The following GABBR2 variants were observed in gnomAD, a reference collection of about 807,000 sequenced individuals.
The protein encoded by GABBR2 is G-protein coupled receptor 51.
A neutral mutation model predicts 105.6 loss-of-function variants in GABBR2; 23 were observed. The ratio of observed to expected loss-of-function variants is 0.22; its 90% confidence interval spans 0.16 to 0.31. The LOEUF (loss-of-function observed/expected upper bound fraction) is 0.31, where lower values mean the gene tolerates loss of function less well. Among genes scored for constraint, GABBR2 ranks in the 10% least tolerant of loss-of-function variants. The probability of loss-of-function intolerance (pLI) is 1.00; values close to 1 mark genes in which losing one functional copy is unlikely to be tolerated. For synonymous variants in GABBR2, 478 were observed against 499.7 expected, an observed-to-expected ratio of 0.96 and a Z score of 0.58; for missense variants, 734 against 1,245.5, an observed-to-expected ratio of 0.59 and a Z score of 6.18.
chr9:98,472,547 T>C (rs185782345), intron 6 of GABBR2, among the ~76,000 whole-genome samples: 2 of 152,200 alleles, frequency 1.3e-5, no homozygotes, highest in East Asian at 1.9e-4. Context: ...ATCACAGATA[T>C]AGAAGCAGAG....
intron 3 of GABBR2, among the ~76,000 whole-genome samples, chr9:98,527,109 AT>A (rs1564104325): frequency 2.0e-3 from 292 of 142,556 alleles, no homozygotes; most frequent in South Asian, 0.01. Flanking sequence ...TATATATATT[AT>A]ATATATATAT....
At chr9:98,342,312 T>C (rs1831227809) in intron 13 of GABBR2, among the ~76,000 whole-genome samples, 2 of 151,974 alleles carry the variant, frequency 1.3e-5, no homozygotes, top group Admixed American at 6.6e-5. Flanking sequence ...AGTGGGATGC[T>C]TTGGAGAAGT....
chr9:98,320,864 ATATACT>A (rs1035563753), intron 13 of GABBR2, among the ~76,000 whole-genome samples: 9 of 150,986 alleles, frequency 6.0e-5, no homozygotes, highest in African/African-American at 2.2e-4. Context: ...GCATTGGGAG[ATATACT>A]TAATACTAGA....
chr9:98,555,986 CT>C (rs1828577865), intron 2 of GABBR2: 1 of 131,916 alleles, frequency 7.6e-6, no homozygotes, highest in Non-Finnish European at 1.8e-5. Context: ...TGTGAGTTTG[CT>C]CTGTAGCCAT....
chr9:98,412,769 T>C (rs1374507062), intron 7 of GABBR2, among the ~76,000 whole-genome samples: 3 of 152,226 alleles, frequency 2.0e-5, no homozygotes, highest in Admixed American at 1.3e-4. Context: ...ACTTAGCTTA[T>C]TTGACTGTAG....
At chr9:98,538,886 T>C (rs1828233189) in intron 3 of GABBR2, among the ~76,000 whole-genome samples, 2 of 152,168 alleles carry the variant, frequency 1.3e-5, no homozygotes, top group Non-Finnish European at 2.9e-5. Flanking sequence ...GCCAAAGCCC[T>C]TGGGCACAGA....
chr9:98,697,550 G>A (rs1310723384), intron 1 of GABBR2, among the ~76,000 whole-genome samples: 1 of 151,730 alleles, frequency 6.6e-6, no homozygotes, highest in East Asian at 1.9e-4. Flanking sequence ...ATGAATGAAT[G>A]CTGCAAAGCA....
At chr9:98,678,132 C>T (rs558516391) in intron 1 of GABBR2, among the ~76,000 whole-genome samples, 11 of 152,304 alleles carry the variant, frequency 7.2e-5, no homozygotes, top group African/African-American at 2.6e-4. Context: ...TATTTGTTGA[C>T]TAAATGAAGA....
At chr9:98,570,081 A>G (rs1409016231) in intron 2 of GABBR2, among the ~76,000 whole-genome samples, 1 of 152,200 alleles carries the variant, frequency 6.6e-6, no homozygotes, top group Non-Finnish European at 1.5e-5. Flanking sequence ...TTGGGACTCC[A>G]TTGCCAATAC....
intron 7 of GABBR2, among the ~76,000 whole-genome samples, chr9:98,420,479 T>C (rs1832763974): frequency 1.7e-5 from 1 of 58,682 alleles, no homozygotes; most frequent in Non-Finnish European, 4.0e-5. Context: ...GCCGGGAATT[T>C]ACACTTTTTT....
At chr9:98,543,742 C>T (rs866670030) in intron 2 of GABBR2, among the ~76,000 whole-genome samples, 5 of 152,128 alleles carry the variant, frequency 3.3e-5, no homozygotes, top group Admixed American at 6.5e-5. Context: ...GACTAGTAGT[C>T]TTCCTTATCA....
At chr9:98,313,200 T>C (rs1330338284) in intron 13 of GABBR2, among the ~76,000 whole-genome samples, 1 of 152,240 alleles carries the variant, frequency 6.6e-6, no homozygotes, top group Non-Finnish European at 1.5e-5. Context: ...TTTGAGCACT[T>C]TCTTACTTCT....
intron 13 of GABBR2, among the ~76,000 whole-genome samples, chr9:98,337,983 C>T (rs377356768): frequency 6.6e-6 from 1 of 152,138 alleles, no homozygotes; most frequent in African/African-American, 2.4e-5. Context: ...GATTGTGCCA[C>T]TGTACTCCAG....
rs1227769007 is a variant in GABBR2 at position 98,303,299 on chromosome 9, G to A, written c.2354C>T (p.Thr785Ile). The part of the protein sequence containing the change: ...TSVTSVNQAS[T>I]SRLEGLQSEN... Reference sequence around the variant, plus strand: ...TGACTGTAGGCCCTCCAGGCGGGATGTGCTGGCTTGGTTCACACTGGTGAC... The same window carrying A: ...TGACTGTAGGCCCTCCAGGCGGGATATGCTGGCTTGGTTCACACTGGTGAC... The change falls in exon 16 of 19, where the codon ACA (threonine) becomes ATA (isoleucine). Residue 785 changes from threonine (T) to isoleucine (I), a missense_variant. Physicochemically the swap from Thr to Ile is moderately conservative, Grantham distance 89. Around this residue, in one of 7 missense-constraint regions of GABBR2, gnomAD observed 91 missense variants for 185.9 expected, o/e 0.49. Transcript: ENST00000259455. 8.7e-6 allele frequency: 14 copies of A among 1,614,192 alleles called. No homozygotes were observed. The highest frequency in any genetic ancestry group is 2.2e-5 in the South Asian group (2 of 91,088).
intron 7 of GABBR2, among the ~76,000 whole-genome samples, chr9:98,426,077 G>T (rs1825680020): frequency 2.0e-5 from 3 of 152,184 alleles, no homozygotes; most frequent in Admixed American, 2.0e-4. Context: ...AGCTCAGAAG[G>T]CTGGCACATG....
chr9:98,300,551 T>C (rs1252049384), intron 16 of GABBR2, among the ~76,000 whole-genome samples: 2 of 152,156 alleles, frequency 1.3e-5, no homozygotes, highest in African/African-American at 4.8e-5. Context: ...GTAGTCGGGA[T>C]GGGTGTTGAA....
At position 98,303,247 on chromosome 9, in the gene GABBR2, G is replaced by A. The variant is rs1339705658; in HGVS notation, c.2406C>T (p.Ile802=). The change falls in exon 16 of 19, where the codon ATC becomes ATT. Residue 802 remains isoleucine, a synonymous_variant. Coordinates refer to ENST00000259455, the MANE Select transcript of GABBR2 (RefSeq NM_005458.8). ...CAGATGCAGAGGGAGGTACCTCTGT[G>A]ATCTTCATTCGCAGGCGATGGTTTT... The part of the protein sequence containing the change: ...QSENHRLRMK[I]TELDKDLEEV... 6.2e-7 allele frequency: 1 copy of A among 1,613,750 alleles called. No homozygotes were observed. The highest frequency in any genetic ancestry group is 1.3e-5 in the African/African-American group (1 of 74,920).
intron 1 of GABBR2, among the ~76,000 whole-genome samples, chr9:98,688,549 G>T (rs1307385862): frequency 6.6e-6 from 1 of 152,086 alleles, no homozygotes; most frequent in Non-Finnish European, 1.5e-5. Context: ...AAAATCATTA[G>T]ATTTTGTCAA....
At chr9:98,458,959 T>G (rs892002015) in intron 6 of GABBR2, among the ~76,000 whole-genome samples, 13 of 152,234 alleles carry the variant, frequency 8.5e-5, no homozygotes, top group African/African-American at 2.9e-4. Flanking sequence ...AAGCTCACTA[T>G]GCCTCTCAGG....
Sources: gnomAD v4.1 joint callset for allele counts (sites outside exome capture counted in the v4.1 genomes callset) on GRCh38, gnomAD v4.1.1 for gene constraint, gnomAD v4.1.1 regional missense constraint, MANE v1.5 for transcripts, NCBI Gene and HGNC (gene_info 2026-07-23, HGNC 2026-07-21) for gene names.